Variants in EIF2AK2 observed in about 807,000 individuals in gnomAD.
The protein encoded by EIF2AK2 is interferon-induced, double-stranded RNA-activated protein kinase.
EIF2AK2 carries 40 observed loss-of-function variants against 70.5 expected under a neutral mutation model. The observed-to-expected ratio is 0.57, with a 90% CI of 0.44 to 0.74. The LOEUF is 0.74. Ranked by LOEUF, EIF2AK2 falls within the 30% of genes least tolerant of loss-of-function variation. The pLI is 0.00. For synonymous variants in EIF2AK2, 198 were observed against 220.9 expected (o/e 0.90, Z 0.92); for missense variants, 555 against 644.3 (o/e 0.86, Z 1.50).
intron 1 of EIF2AK2, among the ~76,000 whole-genome samples, chr2:37,155,092 A>G (rs1045466378): frequency 3.3e-5 from 5 of 152,040 alleles, no homozygotes; most frequent in Non-Finnish European, 7.4e-5. Flanking sequence ...CACGGACACA[A>G]TGATGGTTCT....
At chr2:37,121,879 G>T (rs961483505) in intron 12 of EIF2AK2, among the ~76,000 whole-genome samples, 6 of 152,134 alleles carry the variant, frequency 3.9e-5, no homozygotes, top group Non-Finnish European at 8.8e-5. Context: ...CAGGATTTTA[G>T]TGAGAGGACT....
At chr2:37,137,809 A>T (rs1049923334) in intron 8 of EIF2AK2, among the ~76,000 whole-genome samples, 13 of 152,076 alleles carry the variant, frequency 8.5e-5, no homozygotes, top group East Asian at 1.9e-4. Flanking sequence ...ACTTAATTTT[A>T]AAAAAAGTCA....
chr2:37,149,313 A>T, intron 1 of EIF2AK2: 1 of 970,046 alleles, frequency 1.0e-6, no homozygotes, highest in East Asian at 2.5e-5. Flanking sequence ...AATCTGTGGT[A>T]TCAAACTATG....
In EIF2AK2 at chr2:37,106,407, T is replaced by A. The variant is rs189193053; in HGVS notation, c.*866A>T. 1.6e-4 allele frequency: 25 copies of A among 152,322 alleles called. 1 individual carries two copies. The East Asian group carries it at 4.4e-3, about 27-fold the overall frequency. 9.4% of individuals were successfully genotyped at this position (152,322 alleles called of 1,614,324 possible). A position where few individuals can be genotyped will look rare whatever the true frequency, so the allele number is the denominator to read the frequency against. On this transcript the variant is annotated 3_prime_UTR_variant, in exon 17 of 17. Coordinates refer to ENST00000233057, the MANE Select transcript of EIF2AK2 (RefSeq NM_001135651.3). Reference sequence around the variant, plus strand: ...TTTTTAATCCATTCTTCTTTTGATGTGCATTATGGTTGTTCCCTGTTCTTT... The same window carrying A: ...TTTTTAATCCATTCTTCTTTTGATGAGCATTATGGTTGTTCCCTGTTCTTT...
intron 10 of EIF2AK2, among the ~76,000 whole-genome samples, chr2:37,130,977 C>G (rs141190772): frequency 2.0e-5 from 3 of 152,296 alleles, no homozygotes; most frequent in African/African-American, 7.2e-5. Context: ...ACTCCAAATA[C>G]CAGGGAAATT....
intron 9 of EIF2AK2, chr2:37,136,700 A>G (rs1675138705): frequency 9.0e-6 from 2 of 221,790 alleles, no homozygotes; most frequent in African/African-American, 2.3e-5. Context: ...ACACTTCTAC[A>G]GTGAAAACAG....
intron 10 of EIF2AK2, 46 bp from the exon 11 acceptor site, chr2:37,126,457 C>A: frequency 1.3e-6 from 2 of 1,582,628 alleles, no homozygotes; most frequent in Non-Finnish European, 1.7e-6. Context: ...ATGCTCAACC[C>A]CCACCCCCCC....
chr2:37,141,414 A>G, intron 5 of EIF2AK2, 139 bp downstream of exon 5: 2 of 1,034,552 alleles, frequency 1.9e-6, no homozygotes, highest in Non-Finnish European at 2.8e-6. Context: ...TTATAAATCC[A>G]ATTACTTATC....
At chr2:37,126,606 G>T (rs957920366) in intron 10 of EIF2AK2, among the ~76,000 whole-genome samples, 195 bp from the exon 11 acceptor site, 3 of 151,926 alleles carry the variant, frequency 2.0e-5, no homozygotes, top group Admixed American at 6.6e-5. Flanking sequence ...TCCTCCCAGG[G>T]CAAGTCTAAC....
chr2:37,150,119 T>C (rs1675691197), intron 1 of EIF2AK2, among the ~76,000 whole-genome samples: 1 of 144,240 alleles, frequency 6.9e-6, no homozygotes, highest in Admixed American at 7.0e-5. Context: ...TAAAGATAAA[T>C]ATGTCCCAGA....
intron 1 of EIF2AK2, among the ~76,000 whole-genome samples, chr2:37,154,937 ATTT>A (rs34658468): frequency 2.7e-4 from 39 of 146,720 alleles, no homozygotes; most frequent in East Asian, 1.8e-3. Context: ...CTTTTCTTCT[ATTT>A]TTTTTTTTTT....
At chr2:37,132,739 C>T (rs1474569686) in intron 10 of EIF2AK2, among the ~76,000 whole-genome samples, 1 of 152,194 alleles carries the variant, frequency 6.6e-6, no homozygotes, top group Non-Finnish European at 1.5e-5. Flanking sequence ...CATCAATGCT[C>T]TATTTGCCAG....
intron 10 of EIF2AK2, among the ~76,000 whole-genome samples, chr2:37,127,942 A>G (rs888760144): frequency 1.3e-5 from 2 of 152,108 alleles, no homozygotes; most frequent in Non-Finnish European, 2.9e-5. Context: ...GGGTTTCACC[A>G]TGTTGGCCAG....
intron 4 of EIF2AK2, among the ~76,000 whole-genome samples, chr2:37,145,341 C>A (rs933867850): frequency 2.0e-5 from 3 of 151,992 alleles, no homozygotes; most frequent in African/African-American, 7.3e-5. Context: ...CAGGGTTTCA[C>A]CGTGTTGGCC....
chr2:37,103,971 T>G lies in EIF2AK2; in HGVS notation c.*3302A>C, dbSNP rs1449534831. ...TGGGTCAACATGGTGAAATTCCGTC[T>G]CTACTAAAAATAGAAAAAATTAACC... On this transcript the variant is annotated 3_prime_UTR_variant, in exon 17 of 17. Transcript: ENST00000233057. 5.3e-5 allele frequency: 8 copies of G among 152,100 alleles called. No homozygotes were observed. The highest frequency in any genetic ancestry group is 5.2e-4 in the Admixed American group (8 of 15,262). 9.4% of individuals were successfully genotyped at this position (152,100 alleles called of 1,614,324 possible).
chr2:37,124,216 C>A (rs1187684637), intron 11 of EIF2AK2, among the ~76,000 whole-genome samples: 1 of 152,022 alleles, frequency 6.6e-6, no homozygotes, highest in African/African-American at 2.4e-5. Flanking sequence ...GATCCACCAG[C>A]CTTGGCCTCT....
intron 14 of EIF2AK2, among the ~76,000 whole-genome samples, chr2:37,111,617 G>A (rs952117364): frequency 6.0e-5 from 9 of 150,628 alleles, no homozygotes; most frequent in Admixed American, 1.3e-4. Context: ...ACTTTGGGAG[G>A]TCAAGACAGG....
chr2:37,114,901 A>G lies in EIF2AK2; in HGVS notation c.1249-42T>C, dbSNP rs201097593. The G allele has an allele frequency of 1.2e-5, 16 of 1,347,674 alleles. No homozygotes were observed. The East Asian group carries it at 3.5e-4, about 29-fold the overall frequency. The allele number at this position is 1,347,674 out of a possible 1,614,324, so 83.5% of individuals were successfully genotyped here. On this transcript the variant is annotated intron_variant, in intron 13 of 16. Coordinates refer to ENST00000233057, the MANE Select transcript of EIF2AK2 (RefSeq NM_001135651.3). ...TTTAACTTACATGTACCAACTTAAC[A>G]TACTATTACCACATGTCTTAATTAT...
intron 14 of EIF2AK2, among the ~76,000 whole-genome samples, chr2:37,111,907 ATATATC>A (rs1370424695): frequency 1.1e-3 from 119 of 110,864 alleles, no homozygotes; most frequent in African/African-American, 3.7e-3. Flanking sequence ...ATATATATAT[ATATATC>A]ATAATAAATC....
Sources: gnomAD v4.1 joint callset for allele counts (sites outside exome capture counted in the v4.1 genomes callset) on GRCh38, gnomAD v4.1.1 for gene constraint, MANE v1.5 for transcripts, NCBI Gene and HGNC (gene_info 2026-07-23, HGNC 2026-07-21) for gene names.